The following DOCK1 variants were observed in gnomAD, a reference collection of about 807,000 sequenced individuals.
DOCK1 encodes dedicator of cytokinesis 1.
In DOCK1, 138 loss-of-function variants were observed where a neutral mutation model predicts 262.7. That is an observed-to-expected ratio of 0.53 (90% CI 0.46 to 0.61). The LOEUF is 0.61. Among genes scored for constraint, DOCK1 ranks in the 20% least tolerant of loss-of-function variants. The pLI, the probability that DOCK1 is intolerant of heterozygous loss-of-function variation, is 0.00. For missense variants in DOCK1, 1,908 were observed against 2,370.7 expected (o/e 0.80, Z 4.05); for synonymous variants, 866 against 867.4 (o/e 1.00, Z 0.03).
At chr10:127,349,984 T>C (rs933342821) in intron 31 of DOCK1, among the ~76,000 whole-genome samples, 3 of 152,134 alleles carry the variant, frequency 2.0e-5, no homozygotes, top group Non-Finnish European at 2.9e-5. Context: ...CCAAATAAGG[T>C]CACAGTCATG....
intron 23 of DOCK1, among the ~76,000 whole-genome samples, chr10:127,063,917 C>T (rs1315841772): frequency 2.0e-5 from 3 of 152,136 alleles, no homozygotes; most frequent in Non-Finnish European, 4.4e-5. Flanking sequence ...GCAAGACAGA[C>T]GCACGGCGTT....
At chr10:126,977,293 T>G (rs1443796798) in intron 2 of DOCK1, among the ~76,000 whole-genome samples, 1 of 152,166 alleles carries the variant, frequency 6.6e-6, no homozygotes, top group Admixed American at 6.5e-5. Context: ...GGTTCGAGTG[T>G]GTCTTTCTTT....
intron 27 of DOCK1, among the ~76,000 whole-genome samples, chr10:127,167,142 A>G (rs548386398): frequency 6.6e-6 from 1 of 152,320 alleles, no homozygotes; most frequent in African/African-American, 2.4e-5. Flanking sequence ...ACAAAGTTAT[A>G]TAAATATAAG....
intron 31 of DOCK1, among the ~76,000 whole-genome samples, chr10:127,349,333 A>T (rs533892552): frequency 6.6e-6 from 1 of 151,480 alleles, no homozygotes; most frequent in East Asian, 2.0e-4. Context: ...CATCCTCAAC[A>T]TGTTTCTTCT....
rs1400244827 is a variant in DOCK1, at chr10:126,938,038, C to G, written c.46+32475C>G. Reference sequence around the variant, plus strand: ...TAACTTTTGTGAATAGTAGAAGAGTCCAGCTTCATCTTTTTTTTTTTTTTT... The same window carrying G: ...TAACTTTTGTGAATAGTAGAAGAGTGCAGCTTCATCTTTTTTTTTTTTTTT... On this transcript the variant is annotated intron_variant, in intron 1 of 51. Coordinates refer to ENST00000623213, the MANE Select transcript of DOCK1 (RefSeq NM_001290223.2). Among the ~76,000 whole-genome samples the G allele has an allele frequency of 4.7e-5, 7 of 148,866 alleles. No individual in the cohort carries two copies. The East Asian group carries it at 1.4e-3, about 29-fold the overall frequency.
intron 25 of DOCK1, among the ~76,000 whole-genome samples, chr10:127,122,220 TG>T (rs1215152525): frequency 6.6e-6 from 1 of 152,118 alleles, no homozygotes; most frequent in Non-Finnish European, 1.5e-5. Flanking sequence ...TGCCTTTCTT[TG>T]GGGGCCTGGG....
intron 27 of DOCK1, among the ~76,000 whole-genome samples, chr10:127,164,587 C>T (rs1023159109): frequency 3.3e-5 from 5 of 152,174 alleles, no homozygotes; most frequent in Non-Finnish European, 7.3e-5. Context: ...TGGAATGCAT[C>T]AGTATTTTAT....
At chr10:127,226,278 T>G (rs1324446874) in intron 27 of DOCK1, among the ~76,000 whole-genome samples, 3 of 152,108 alleles carry the variant, frequency 2.0e-5, no homozygotes. Flanking sequence ...TTTATACTCC[T>G]TAGCTCTACC....
intron 1 of DOCK1, among the ~76,000 whole-genome samples, chr10:126,920,784 A>T (rs2033107169): frequency 6.6e-6 from 1 of 152,222 alleles, no homozygotes; most frequent in African/African-American, 2.4e-5. Context: ...GTGCACCCAG[A>T]AGAAGTAGAA....
chr10:127,058,301 G>A (rs781768298), intron 22 of DOCK1, among the ~76,000 whole-genome samples: 32 of 152,028 alleles, frequency 2.1e-4, no homozygotes, highest in Non-Finnish European at 4.1e-4. Context: ...TTTCCTGTTG[G>A]TCTATTCCTT....
intron 1 of DOCK1, among the ~76,000 whole-genome samples, chr10:126,926,963 C>T (rs2033780231): frequency 6.6e-6 from 1 of 152,176 alleles, no homozygotes; most frequent in Non-Finnish European, 1.5e-5. Context: ...GGGATACTGA[C>T]ACAGTCGTAG....
At position 127,426,039 on chromosome 10, in the gene DOCK1, A is replaced by G. The variant is rs757083645; in HGVS notation, c.4914+28A>G. ...AAGAGGGTAGTATGCGTAGTGTTGC[A>G]GAAGAGTGGGTGTCTGGGCATCCCA... On this transcript the variant is annotated intron_variant, in intron 47 of 51. Coordinates refer to ENST00000623213, the MANE Select transcript of DOCK1 (RefSeq NM_001290223.2). 4.3e-6 allele frequency: 7 copies of G among 1,612,572 alleles called. No homozygotes were observed. The East Asian group carries it at 1.3e-4, about 31-fold the overall frequency.
chr10:126,910,888 C>T (rs892046902), intron 1 of DOCK1, among the ~76,000 whole-genome samples: 5 of 152,094 alleles, frequency 3.3e-5, no homozygotes, highest in Non-Finnish European at 7.3e-5. Context: ...GATATTCATC[C>T]GGGTGTTGCT....
At position 127,451,609 on chromosome 10, in the gene DOCK1, G is replaced by A; in HGVS notation, c.*182G>A. The A allele has an allele frequency of 3.5e-6, 5 of 1,415,574 alleles. No homozygotes were observed. The highest frequency in any genetic ancestry group is 3.7e-6 in the Non-Finnish European group (4 of 1,073,074). 87.7% of individuals were successfully genotyped at this position (1,415,574 alleles called of 1,614,324 possible). A position where few individuals can be genotyped will look rare whatever the true frequency, so the allele number is the denominator to read the frequency against. On this transcript the variant is annotated 3_prime_UTR_variant, in exon 52 of 52. Transcript: ENST00000623213. ...AGTGAGTGGCCTTTAGCGTCATGGA[G>A]CAAGGTGGGTCTGGGAGGTAGATAT...
chr10:126,905,746 G>T (rs1320036422), intron 1 of DOCK1, among the ~76,000 whole-genome samples, 183 bp downstream of exon 1: 1 of 150,376 alleles, frequency 6.6e-6, no homozygotes, highest in East Asian at 2.0e-4. Context: ...CGCGCCCCCG[G>T]CGGCGTCAGC....
chr10:127,366,907 G>A (rs1309058970), intron 33 of DOCK1, among the ~76,000 whole-genome samples: 2 of 152,164 alleles, frequency 1.3e-5, no homozygotes, highest in Non-Finnish European at 2.9e-5. Context: ...AGATATTAGG[G>A]GGATTTGTTT....
intron 1 of DOCK1, among the ~76,000 whole-genome samples, chr10:126,905,879 C>T (rs2030676827): frequency 6.6e-6 from 1 of 152,054 alleles, no homozygotes. Context: ...TGGAGCCCCC[C>T]GGGCTACCCC....
intron 27 of DOCK1, among the ~76,000 whole-genome samples, chr10:127,206,136 CT>C (rs34450374): frequency 0.2 from 15,399 of 77,572 alleles, 164 homozygotes; most frequent in East Asian, 0.24. Flanking sequence ...TTCTTCTTCT[CT>C]TTTTTTTTTT....
intron 4 of DOCK1, among the ~76,000 whole-genome samples, chr10:126,984,517 TTG>T (rs564741458): frequency 4.6e-5 from 7 of 150,600 alleles, no homozygotes; most frequent in Non-Finnish European, 1.0e-4. Context: ...CAGCTAATTT[TTG>T]TGTGTGTGTG....
Sources: gnomAD v4.1 joint callset for allele counts (sites outside exome capture counted in the v4.1 genomes callset) on GRCh38, gnomAD v4.1.1 for gene constraint, MANE v1.5 for transcripts, NCBI Gene and HGNC (gene_info 2026-07-23, HGNC 2026-07-21) for gene names.